CADM2: variants seen among roughly 807,000 people sequenced by gnomAD.
CADM2 encodes the protein cell adhesion molecule 2.
Under a neutral mutation model 49.8 loss-of-function variants are expected in CADM2, and 12 were observed. That is an observed-to-expected ratio of 0.24 (90% CI 0.15 to 0.39). The LOEUF (loss-of-function observed/expected upper bound fraction) is 0.39, where lower values mean the gene tolerates loss of function less well. CADM2 is among the 10% of genes least tolerant of loss of function. The pLI, the probability that CADM2 is intolerant of heterozygous loss-of-function variation, is 1.00. For missense variants in CADM2, 378 were observed against 492.3 expected (o/e 0.77, Z 2.20); for synonymous variants, 214 against 175.4 (o/e 1.22, Z -1.74).
At chr3:86,028,585 G>A (rs1451917827) in intron 8 of CADM2, among the ~76,000 whole-genome samples, 1 of 152,102 alleles carries the variant, frequency 6.6e-6, no homozygotes, top group Non-Finnish European at 1.5e-5. Context: ...TTTGAAGCCA[G>A]AGCAGTGGAT....
At chr3:84,999,923 G>A (rs1428817088) in intron 1 of CADM2, among the ~76,000 whole-genome samples, 2 of 152,080 alleles carry the variant, frequency 1.3e-5, no homozygotes, top group Non-Finnish European at 2.9e-5. Flanking sequence ...TTTAGAGTTG[G>A]ATGAGATCTT....
chr3:86,026,735 AC>A (rs1333336709), intron 8 of CADM2, among the ~76,000 whole-genome samples: 1 of 152,170 alleles, frequency 6.6e-6, no homozygotes, highest in East Asian at 1.9e-4. Context: ...ATAGCACGTA[AC>A]CACTCCGTGT....
intron 2 of CADM2, among the ~76,000 whole-genome samples, chr3:85,737,938 T>C (rs373461790): frequency 5.9e-5 from 9 of 152,284 alleles, no homozygotes; most frequent in African/African-American, 1.9e-4. Context: ...TTCAAAACGT[T>C]TCCGTGTAAT....
rs2068662061 is a variant in CADM2 at position 85,747,448 on chromosome 3, A to G, written c.88+20900A>G. 1.3e-5 allele frequency among the ~76,000 whole-genome samples: 2 copies of G among 152,118 alleles called. 1 individual carries two copies. Among genetic ancestry groups the G allele is most frequent in the Admixed American group, 1.3e-4 (2 of 15,246 alleles). On this transcript the variant is annotated intron_variant, in intron 2 of 9. Coordinates refer to ENST00000383699, the MANE Select transcript of CADM2 (RefSeq NM_001167675.2). ...TAAATAAATTGTCTGCCCTCCAATT[A>G]GAAGGAAAGAGTAAATAAGATACTT...
chr3:84,994,339 A>G (rs2033063587), intron 1 of CADM2, among the ~76,000 whole-genome samples: 1 of 152,140 alleles, frequency 6.6e-6, no homozygotes, highest in Admixed American at 6.5e-5. Flanking sequence ...GAGTAGTTTA[A>G]TTAGCTATGG....
intron 1 of CADM2, among the ~76,000 whole-genome samples, chr3:85,251,980 C>T (rs1306328381): frequency 1.3e-5 from 2 of 151,950 alleles, no homozygotes; most frequent in Non-Finnish European, 2.9e-5. Flanking sequence ...GTCAATATCT[C>T]CACCACAAAG....
chr3:85,779,800 A>G (rs1282286148), intron 2 of CADM2, among the ~76,000 whole-genome samples: 2 of 152,126 alleles, frequency 1.3e-5, no homozygotes, highest in Non-Finnish European at 2.9e-5. Flanking sequence ...GGAACTGCAT[A>G]TTTGCTAAGA....
At chr3:86,011,135 G>A (rs1403164245) in intron 8 of CADM2, among the ~76,000 whole-genome samples, 2 of 151,982 alleles carry the variant, frequency 1.3e-5, no homozygotes, top group Non-Finnish European at 1.5e-5. Flanking sequence ...CGCCACATCA[G>A]TAGCAAAGTC....
chr3:85,146,398 T>A lies in CADM2; in HGVS notation c.61+186730T>A, dbSNP rs940918591. On this transcript the variant is annotated intron_variant, in intron 1 of 9. Coordinates refer to ENST00000383699, the MANE Select transcript of CADM2 (RefSeq NM_001167675.2). Reference sequence around the variant, plus strand: ...TTTTAATGAGGTCTCTTTTTTTTTATGCAGTGGCAAATGAAAGCAGGTAGA... The same window carrying A: ...TTTTAATGAGGTCTCTTTTTTTTTAAGCAGTGGCAAATGAAAGCAGGTAGA... 6.6e-5 allele frequency among the ~76,000 whole-genome samples: 10 copies of A among 152,250 alleles called. No homozygotes were observed. In the East Asian group the frequency reaches 1.9e-3, roughly 29 times the overall value.
chr3:85,914,738 A>T (rs1718056881), intron 6 of CADM2, among the ~76,000 whole-genome samples: 1 of 152,194 alleles, frequency 6.6e-6, no homozygotes, highest in Non-Finnish European at 1.5e-5. Context: ...ATAGCAGATG[A>T]ATCTCTGGAT....
At chr3:85,217,952 T>C (rs1324631567) in intron 1 of CADM2, among the ~76,000 whole-genome samples, 1 of 152,126 alleles carries the variant, frequency 6.6e-6, no homozygotes, top group East Asian at 1.9e-4. Flanking sequence ...TAAATAACTT[T>C]GTTGTATATT....
intron 1 of CADM2, among the ~76,000 whole-genome samples, chr3:85,686,537 C>A (rs1310745569): frequency 6.6e-6 from 1 of 152,100 alleles, no homozygotes; most frequent in Non-Finnish European, 1.5e-5. Context: ...TTTGGCTTAA[C>A]AATTATTTAC....
intron 3 of CADM2, among the ~76,000 whole-genome samples, chr3:85,850,571 G>A (rs2075068212): frequency 1.3e-5 from 2 of 151,826 alleles, no homozygotes; most frequent in African/African-American, 4.8e-5. Flanking sequence ...CTCCTGATCC[G>A]CCCGCCTCGG....
chr3:85,815,446 C>A (rs1245352790), intron 3 of CADM2, among the ~76,000 whole-genome samples: 1 of 152,154 alleles, frequency 6.6e-6, no homozygotes, highest in East Asian at 1.9e-4. Flanking sequence ...TCAACATACA[C>A]AAATCACTAA....
At chr3:85,528,893 AAAT>A (rs2061233389) in intron 1 of CADM2, among the ~76,000 whole-genome samples, 1 of 152,230 alleles carries the variant, frequency 6.6e-6, no homozygotes, top group African/African-American at 2.4e-5. Context: ...CCGTGATCAT[AAAT>A]AATATTTACT....
intron 1 of CADM2, among the ~76,000 whole-genome samples, chr3:85,042,005 A>C (rs149532534): frequency 1.3e-5 from 2 of 152,344 alleles, no homozygotes; most frequent in African/African-American, 4.8e-5. Flanking sequence ...CACATGCATA[A>C]TATTGAACAG....
intron 3 of CADM2, among the ~76,000 whole-genome samples, chr3:85,858,698 C>T (rs1398730269): frequency 1.3e-5 from 2 of 152,198 alleles, no homozygotes; most frequent in African/African-American, 4.8e-5. Context: ...CTGCTATATG[C>T]ACTGGCAGGT....
chr3:85,656,984 T>C (rs1045532697), intron 1 of CADM2, among the ~76,000 whole-genome samples: 1 of 152,192 alleles, frequency 6.6e-6, no homozygotes, highest in Non-Finnish European at 1.5e-5. Flanking sequence ...CTTCTAAATA[T>C]GTCCAGATTT....
chr3:85,347,199 T>G, intron 1 of CADM2, among the ~76,000 whole-genome samples: 1 of 98,384 alleles, frequency 1.0e-5, no homozygotes, highest in African/African-American at 4.2e-5. Flanking sequence ...TCCAGACTGG[T>G]CAACAGAGTG....
Sources: allele counts gnomAD v4.1 joint callset (sites outside exome capture counted in the v4.1 genomes callset), GRCh38; gene constraint gnomAD v4.1.1; transcripts MANE v1.5; gene names NCBI Gene and HGNC (gene_info 2026-07-23, HGNC 2026-07-21).